Variants in ADGRB3 observed in about 807,000 individuals in gnomAD.
The protein encoded by ADGRB3 is brain-specific angiogenesis inhibitor 3.
ADGRB3 carries 37 observed loss-of-function variants against 193.4 expected under a neutral mutation model. That is an observed-to-expected ratio of 0.19 (90% CI 0.15 to 0.25). The LOEUF (loss-of-function observed/expected upper bound fraction) is 0.25. Among genes scored for constraint, ADGRB3 ranks in the 10% least tolerant of loss-of-function variants. The pLI, the probability that ADGRB3 is intolerant of heterozygous loss-of-function variation, is 1.00. For missense variants in ADGRB3, 1,637 were observed against 1,852.9 expected (o/e 0.88, Z 2.14); for synonymous variants, 690 against 644.2 (o/e 1.07, Z -1.08).
At chr6:68,950,172 G>C (rs1329109270) in intron 6 of ADGRB3, among the ~76,000 whole-genome samples, 1 of 151,938 alleles carries the variant, frequency 6.6e-6, no homozygotes, top group Non-Finnish European at 1.5e-5. Context: ...TCCCACCTCA[G>C]CCTCTTGAGT....
chr6:68,970,393 T>C (rs2150263142), intron 8 of ADGRB3, among the ~76,000 whole-genome samples: 1 of 152,176 alleles, frequency 6.6e-6, no homozygotes, highest in Middle Eastern at 3.4e-3. Flanking sequence ...CAAGCAATTC[T>C]TCTGCTTCAG....
At chr6:69,265,969 A>G (rs1767031478) in intron 20 of ADGRB3, among the ~76,000 whole-genome samples, 1 of 152,066 alleles carries the variant, frequency 6.6e-6, no homozygotes, top group Admixed American at 6.6e-5. Flanking sequence ...AAATTACAGA[A>G]AAGATTCAAA....
intron 28 of ADGRB3, among the ~76,000 whole-genome samples, chr6:69,358,736 G>A (rs569920958): frequency 7.2e-5 from 11 of 151,872 alleles, no homozygotes; most frequent in African/African-American, 2.7e-4. Context: ...TTCACTACTT[G>A]ATTAGTTTCT....
chr6:69,115,508 A>T (rs1773505115), intron 17 of ADGRB3, among the ~76,000 whole-genome samples: 1 of 152,230 alleles, frequency 6.6e-6, no homozygotes, highest in Admixed American at 6.5e-5. Flanking sequence ...TGACAGGTTG[A>T]TGGGTGCAGC....
At chr6:68,745,477 C>T (rs911291281) in intron 3 of ADGRB3, among the ~76,000 whole-genome samples, 1 of 151,992 alleles carries the variant, frequency 6.6e-6, no homozygotes, top group Non-Finnish European at 1.5e-5. Flanking sequence ...TATAGAGTTT[C>T]AGATTTGCAA....
intron 17 of ADGRB3, among the ~76,000 whole-genome samples, chr6:69,146,219 G>A (rs1267313129): frequency 6.6e-6 from 1 of 152,126 alleles, no homozygotes; most frequent in Non-Finnish European, 1.5e-5. Flanking sequence ...AGTCTGGAGG[G>A]GTCTAAATTG....
chr6:68,827,553 C>T (rs898156013), intron 3 of ADGRB3, among the ~76,000 whole-genome samples: 23 of 151,316 alleles, frequency 1.5e-4, no homozygotes, highest in Admixed American at 6.6e-4. Flanking sequence ...GATTTTGCTC[C>T]GGAATAGATG....
chr6:69,345,126 T>C (rs1002250824), intron 26 of ADGRB3, among the ~76,000 whole-genome samples: 1 of 152,134 alleles, frequency 6.6e-6, no homozygotes, highest in Non-Finnish European at 1.5e-5. Flanking sequence ...CCATGATAAG[T>C]GGCCATTATG....
rs149397025 is a variant in ADGRB3 at position 69,126,187 on chromosome 6, A to C, written c.2480+50149A>C. Among the ~76,000 whole-genome samples, 336 of 150,000 alleles carry C rather than the reference A, an allele frequency of 2.2e-3. 8 individuals carry two copies. The highest frequency in any genetic ancestry group is 0.022 in the Admixed American group (318 of 14,764). On this transcript the variant is annotated intron_variant, in intron 17 of 31. Transcript: ENST00000370598. The stretch of plus-strand genomic sequence containing the variant: ...TTCTTGTATTAGATTTCCCCAGAGA[A>C]ACAGAACCAATAGGAAATGATTGAT...
At chr6:68,966,786 T>A (rs1332567332) in intron 8 of ADGRB3, among the ~76,000 whole-genome samples, 2 of 152,202 alleles carry the variant, frequency 1.3e-5, no homozygotes. Context: ...TGTGTAGTAT[T>A]TAACAAGGTG....
intron 3 of ADGRB3, among the ~76,000 whole-genome samples, chr6:68,895,179 A>G (rs1766185022): frequency 6.6e-6 from 1 of 151,676 alleles, no homozygotes; most frequent in South Asian, 2.1e-4. Flanking sequence ...CAGTAGTTCA[A>G]TATTGTACTG....
chr6:69,209,902 A>G (rs972176425), intron 17 of ADGRB3, among the ~76,000 whole-genome samples: 2 of 151,792 alleles, frequency 1.3e-5, no homozygotes, highest in African/African-American at 4.8e-5. Flanking sequence ...CATGCCAAGG[A>G]CTATCAGTGT....
intron 17 of ADGRB3, among the ~76,000 whole-genome samples, chr6:69,131,550 AT>A (rs1160479219): frequency 2.6e-5 from 4 of 152,094 alleles, no homozygotes; most frequent in Non-Finnish European, 4.4e-5. Flanking sequence ...TGTATACTAA[AT>A]ACTATAAATA....
chr6:69,004,872 T>C (rs745357030), intron 11 of ADGRB3, among the ~76,000 whole-genome samples: 6 of 152,260 alleles, frequency 3.9e-5, no homozygotes, highest in Non-Finnish European at 7.4e-5. Flanking sequence ...TTTTCTTTTA[T>C]TGAAGGGGTC....
chr6:68,838,038 A>G (rs1194451498), intron 3 of ADGRB3, among the ~76,000 whole-genome samples: 1 of 152,158 alleles, frequency 6.6e-6, no homozygotes, highest in African/African-American at 2.4e-5. Context: ...ATCAGAGGAA[A>G]ACTCAGTATT....
chr6:69,039,608 A>G (rs1035859177), intron 13 of ADGRB3, among the ~76,000 whole-genome samples: 1 of 152,204 alleles, frequency 6.6e-6, no homozygotes, highest in Non-Finnish European at 1.5e-5. Context: ...TCTCTACAAT[A>G]AAAATATTTA....
At chr6:68,675,591 A>C (rs943929678) in intron 3 of ADGRB3, among the ~76,000 whole-genome samples, 3 of 152,164 alleles carry the variant, frequency 2.0e-5, no homozygotes, top group African/African-American at 7.2e-5. Flanking sequence ...AAAAGCTAAA[A>C]ATCAAGTAGA....
intron 3 of ADGRB3, among the ~76,000 whole-genome samples, chr6:68,726,586 G>T (rs1435568388): frequency 1.3e-5 from 2 of 151,516 alleles, no homozygotes; most frequent in African/African-American, 4.8e-5. Context: ...TGTGGACAGG[G>T]CACAGAAAAT....
At chr6:68,781,364 G>A (rs1766849202) in intron 3 of ADGRB3, among the ~76,000 whole-genome samples, 1 of 152,054 alleles carries the variant, frequency 6.6e-6, no homozygotes, top group Non-Finnish European at 1.5e-5. Context: ...TTAGACCAGT[G>A]AAGCTAACTT....
Sources: gnomAD v4.1 joint callset for allele counts (sites outside exome capture counted in the v4.1 genomes callset) on GRCh38, gnomAD v4.1.1 for gene constraint, MANE v1.5 for transcripts, NCBI Gene and HGNC (gene_info 2026-07-23, HGNC 2026-07-21) for gene names.